Variants in TRANK1 observed in about 807,000 individuals in gnomAD.
TRANK1 encodes the protein tetratricopeptide repeat and ankyrin repeat containing 1, also known as TPR and ankyrin repeat-containing protein 1.
TRANK1 carries 198 observed loss-of-function variants against 266.0 expected under a neutral mutation model. The ratio of observed to expected loss-of-function variants is 0.74; its 90% CI spans 0.66 to 0.84. TRANK1 has a LOEUF of 0.84. Among genes scored for constraint, TRANK1 ranks in the 40% least tolerant of loss-of-function variants. The pLI, the probability that TRANK1 is intolerant of heterozygous loss-of-function variation, is 0.00. For synonymous variants in TRANK1, 1,396 were observed against 1,384.1 expected (o/e 1.01, Z -0.19); for missense variants, 3,326 against 3,634.6 (o/e 0.92, Z 2.18).
At chr3:36,848,489 T>A (rs1378036617) in intron 15 of TRANK1, among the ~76,000 whole-genome samples, 2 of 152,220 alleles carry the variant, frequency 1.3e-5, no homozygotes, top group Non-Finnish European at 2.9e-5. Context: ...TAGCCTTTAC[T>A]TTTCTTTTTA....
chr3:36,845,504 G>A (rs1313566219), intron 17 of TRANK1, among the ~76,000 whole-genome samples: 1 of 152,016 alleles, frequency 6.6e-6, no homozygotes, highest in Non-Finnish European at 1.5e-5. Flanking sequence ...CACTTCAGTA[G>A]GTATTTGTAT....
chr3:36,940,211 T>C (rs2080477940), intron 1 of TRANK1, among the ~76,000 whole-genome samples: 1 of 150,724 alleles, frequency 6.6e-6, no homozygotes, highest in Admixed American at 6.6e-5. Flanking sequence ...AAGAAGCTGC[T>C]CCTTGGCCGG....
At chr3:36,877,050 AT>A (rs1407882150) in intron 8 of TRANK1, among the ~76,000 whole-genome samples, 1 of 152,196 alleles carries the variant, frequency 6.6e-6, no homozygotes, top group Non-Finnish European at 1.5e-5. Flanking sequence ...TGACACTGCA[AT>A]TTTTTCAAAT....
At chr3:36,895,534 G>A (rs1194950582) in intron 5 of TRANK1, 106 bp downstream of exon 5, 1 of 639,282 alleles carries the variant, frequency 1.6e-6, no homozygotes, top group Non-Finnish European at 2.4e-6. Context: ...ATTTACCCTG[G>A]CATCAAGATC....
intron 13 of TRANK1, among the ~76,000 whole-genome samples, chr3:36,853,580 AG>A (rs1295177023): frequency 1.3e-5 from 2 of 152,222 alleles, no homozygotes; most frequent in Non-Finnish European, 2.9e-5. Flanking sequence ...GAATCAGAAA[AG>A]GGCACAAAAG....
intron 15 of TRANK1, among the ~76,000 whole-genome samples, chr3:36,847,662 T>C (rs1166969002): frequency 6.6e-6 from 1 of 152,178 alleles, no homozygotes; most frequent in East Asian, 1.9e-4. Flanking sequence ...ACAATCAGTA[T>C]GGACAGGGGA....
In TRANK1 at chr3:36,874,224, G is replaced by A; in HGVS notation, c.980C>T (p.Ser327Phe). ...DPTLLDRQSR[S>F]VVDVLKRNKN... ...ATTCCTCTTCAGGACATCCACAACA[G>A]ACCGAGACTGTCGATCCAGCAAAGT... Residue 327 changes from serine (S) to phenylalanine (F), a missense_variant, in exon 9 of 24, where the codon TCT becomes TTT. Transcript: ENST00000645898. 1 of 1,537,188 alleles carries A rather than the reference G, an allele frequency of 6.5e-7. No individual in the cohort carries two copies. The highest frequency in any genetic ancestry group is 8.7e-7 in the Non-Finnish European group (1 of 1,146,898).
intron 9 of TRANK1, among the ~76,000 whole-genome samples, chr3:36,870,584 C>G (rs1214051248): frequency 3.9e-5 from 6 of 152,100 alleles, no homozygotes; most frequent in Admixed American, 2.6e-4. Flanking sequence ...TCTAGCATGG[C>G]AAGAAAATCT....
At chr3:36,897,795 G>T (rs6550440) in intron 4 of TRANK1, among the ~76,000 whole-genome samples, 2 of 152,002 alleles carry the variant, frequency 1.3e-5, no homozygotes, top group Non-Finnish European at 2.9e-5. Flanking sequence ...ATCAAACACC[G>T]TATTTAAAAA....
intron 1 of TRANK1, among the ~76,000 whole-genome samples, chr3:36,929,873 G>A (rs552984083): frequency 2.1e-5 from 3 of 145,158 alleles, no homozygotes; most frequent in Non-Finnish European, 4.6e-5. Context: ...GGGCAAGGGA[G>A]ATGCAGCAGA....
In TRANK1 at chr3:36,831,106, T is replaced by A. The variant is rs1158689884; in HGVS notation, c.8477A>T (p.His2826Leu). 1 of 1,613,918 alleles carries A rather than the reference T, an allele frequency of 6.2e-7. No homozygotes were observed. Among genetic ancestry groups the A allele is most frequent in the Non-Finnish European group, 8.5e-7 (1 of 1,179,886 alleles). ...GTAGGCCACTTGCTGCCTCTGGTGGTGTTCTAGATGGATATGCTGCTCGTA... is the reference window on the plus strand; with the variant it reads ...GTAGGCCACTTGCTGCCTCTGGTGGAGTTCTAGATGGATATGCTGCTCGTA... ...ESYEQHIHLEHHQRQQVAYQK... is the reference protein window; with the variant it reads ...ESYEQHIHLELHQRQQVAYQK... Residue 2826 changes from histidine to leucine, a missense_variant, in exon 22 of 24, where the codon CAC becomes CTC. Coordinates refer to ENST00000645898, the MANE Select transcript of TRANK1 (RefSeq NM_001329998.2). This position sits in a 1 kb window ranked among gnomAD's most constrained non-coding sequence, Gnocchi z 5.0.
At chr3:36,909,943 A>G (rs1050999103) in intron 1 of TRANK1, among the ~76,000 whole-genome samples, 4 of 152,274 alleles carry the variant, frequency 2.6e-5, no homozygotes, top group African/African-American at 9.6e-5. Context: ...TAGGGAATAA[A>G]GTATGCTTTT....
intron 9 of TRANK1, among the ~76,000 whole-genome samples, chr3:36,872,642 A>G (rs1022647652): frequency 6.6e-5 from 10 of 152,218 alleles, no homozygotes; most frequent in African/African-American, 2.4e-4. Flanking sequence ...TTATAAAAGG[A>G]GAAGTTTTAG....
Position 36,828,156 on chromosome 3 carries a change from T to C in TRANK1, c.*119A>G, listed in dbSNP as rs1209502370. 2 of 718,024 alleles carry C rather than the reference T, an allele frequency of 2.8e-6. No individual in the cohort carries two copies. The highest frequency in any genetic ancestry group is 3.6e-5 in the African/African-American group (2 of 56,150). 44.5% of individuals were successfully genotyped at this position (718,024 alleles called of 1,614,324 possible). ...TGAGAATAAAAAGCAATGGTGTTGT[T>C]AGACTCCCCTATTTTTAAAATGCTA... On this transcript the variant is annotated 3_prime_UTR_variant, in exon 24 of 24. Coordinates refer to ENST00000645898, the MANE Select transcript of TRANK1 (RefSeq NM_001329998.2).
chr3:36,879,396 T>C (rs1054401620), intron 8 of TRANK1, among the ~76,000 whole-genome samples: 1 of 150,996 alleles, frequency 6.6e-6, no homozygotes, highest in Non-Finnish European at 1.5e-5. Context: ...TTGTTCAAAG[T>C]AACCAGTTCT....
At chr3:36,917,889 G>A (rs1471798000) in intron 1 of TRANK1, among the ~76,000 whole-genome samples, 1 of 152,156 alleles carries the variant, frequency 6.6e-6, no homozygotes, top group Non-Finnish European at 1.5e-5. Flanking sequence ...TAGGGGGTGG[G>A]AAGCTAGATT....
At chr3:36,939,021 C>A (rs1298558901) in intron 1 of TRANK1, among the ~76,000 whole-genome samples, 2 of 151,422 alleles carry the variant, frequency 1.3e-5, no homozygotes, top group Non-Finnish European at 2.9e-5. Context: ...CTGGTAATTG[C>A]AGCTTCTTGA....
At chr3:36,840,814 T>C (rs77998467) in intron 18 of TRANK1, among the ~76,000 whole-genome samples, 1,891 of 152,130 alleles carry the variant, frequency 0.012, 49 homozygotes, top group African/African-American at 0.043. Flanking sequence ...TGCAGACACA[T>C]GAGGTGCTCA....
At chr3:36,849,610 G>A (rs950253494) in intron 15 of TRANK1, among the ~76,000 whole-genome samples, 1 of 152,206 alleles carries the variant, frequency 6.6e-6, no homozygotes, top group East Asian at 1.9e-4. Flanking sequence ...GCTCTCCACA[G>A]TTCCCCAAGT....
Sources: allele counts gnomAD v4.1 joint callset (sites outside exome capture counted in the v4.1 genomes callset), GRCh38; gene constraint gnomAD v4.1.1; non-coding constraint Gnocchi (gnomAD v3.1); transcripts MANE v1.5; gene names NCBI Gene and HGNC (gene_info 2026-07-23, HGNC 2026-07-21).